Variants in NRXN1 observed in about 807,000 individuals in gnomAD.
The protein encoded by NRXN1 is neurexin-1.
A neutral mutation model predicts 150.9 loss-of-function variants in NRXN1; 39 were observed. That is an observed-to-expected ratio of 0.26 (90% CI 0.20 to 0.34). The LOEUF (loss-of-function observed/expected upper bound fraction) is 0.34, where lower values mean the gene tolerates loss of function less well. Among genes scored for constraint, NRXN1 ranks in the 10% least tolerant of loss-of-function variants. NRXN1 has a pLI of 1.00. For synonymous variants in NRXN1, 924 were observed against 757.0 expected, an observed-to-expected ratio of 1.22 and a Z score of -3.62; for missense variants, 1,815 against 1,949.9, an observed-to-expected ratio of 0.93 and a Z score of 1.30.
At chr2:50,534,256 T>C (rs1024826895) in intron 10 of NRXN1, among the ~76,000 whole-genome samples, 20 of 152,256 alleles carry the variant, frequency 1.3e-4, no homozygotes, top group African/African-American at 4.8e-4. Context: ...GAACGAAATA[T>C]GTAATAAGGT....
chr2:50,230,509 G>C (rs189429717), intron 18 of NRXN1, among the ~76,000 whole-genome samples: 1 of 152,116 alleles, frequency 6.6e-6, no homozygotes, highest in Non-Finnish European at 1.5e-5. Context: ...CCTGCCATAA[G>C]TATATAAAAT....
At chr2:50,698,786 G>T (rs980715938) in intron 5 of NRXN1, among the ~76,000 whole-genome samples, 2 of 152,106 alleles carry the variant, frequency 1.3e-5, no homozygotes, top group Non-Finnish European at 2.9e-5. Context: ...CCTCAAAGAA[G>T]GTTTTCTCTT....
intron 17 of NRXN1, among the ~76,000 whole-genome samples, chr2:50,360,115 T>G (rs531498138): frequency 6.6e-6 from 1 of 152,138 alleles, no homozygotes; most frequent in Admixed American, 6.5e-5. Context: ...AAGCACTAAA[T>G]ATGGAAAGGA....
intron 17 of NRXN1, among the ~76,000 whole-genome samples, chr2:50,435,916 C>G (rs1015598347): frequency 2.0e-5 from 3 of 151,954 alleles, no homozygotes; most frequent in African/African-American, 7.3e-5. Context: ...CACAATTTAC[C>G]TATATAGGTA....
rs77385633 is a variant in NRXN1, at chr2:50,462,717, T to G, written c.3364+2725A>C. Reference sequence around the variant, plus strand: ...AAATAGCCTTTGGCATCATTTTGAATAGCACTTCTTTTTGAAAGATTCCTT... The same window carrying G: ...AAATAGCCTTTGGCATCATTTTGAAGAGCACTTCTTTTTGAAAGATTCCTT... On this transcript the variant is annotated intron_variant, in intron 17 of 22. Coordinates refer to ENST00000401669, the MANE Select transcript of NRXN1 (RefSeq NM_001330078.2). Among the ~76,000 whole-genome samples the G allele has an allele frequency of 4.6e-3, 701 of 151,986 alleles. 3 individuals carry two copies. Among genetic ancestry groups the G allele is most frequent in the Admixed American group, 8.0e-3 (121 of 15,212 alleles).
At chr2:50,246,392 A>G (rs559940247) in intron 17 of NRXN1, among the ~76,000 whole-genome samples, 2 of 152,182 alleles carry the variant, frequency 1.3e-5, no homozygotes, top group South Asian at 2.1e-4. Flanking sequence ...AATTATTTGC[A>G]TCGCATAGTT....
intron 9 of NRXN1, chr2:50,551,364 GCAAA>G (rs1221736499): frequency 6.6e-6 from 1 of 152,054 alleles, no homozygotes; most frequent in African/African-American, 2.4e-5. Context: ...TTCCAAACAG[GCAAA>G]CACAATCTTC....
chr2:50,777,283 T>C (rs1207364646), intron 5 of NRXN1, among the ~76,000 whole-genome samples: 2 of 152,026 alleles, frequency 1.3e-5, no homozygotes, highest in Admixed American at 6.6e-5. Context: ...GGATATGAGG[T>C]TTAAGTGGGT....
chr2:51,004,802 G>T (rs1221789899), intron 2 of NRXN1, among the ~76,000 whole-genome samples: 2 of 151,948 alleles, frequency 1.3e-5, no homozygotes, highest in African/African-American at 4.8e-5. Flanking sequence ...ATCTAGAGGA[G>T]AATTTTCTTG....
At chr2:50,732,473 T>C (rs1221024396) in intron 5 of NRXN1, among the ~76,000 whole-genome samples, 1 of 152,196 alleles carries the variant, frequency 6.6e-6, no homozygotes, top group Admixed American at 6.5e-5. Flanking sequence ...CAATGCGGTC[T>C]GTACTTTTCA....
At chr2:50,380,393 C>T (rs1273291279) in intron 17 of NRXN1, among the ~76,000 whole-genome samples, 1 of 151,868 alleles carries the variant, frequency 6.6e-6, no homozygotes, top group Admixed American at 6.6e-5. Context: ...TCAAAATGGT[C>T]CTAAGGTTTT....
chr2:50,251,709 T>G (rs1052889708), intron 17 of NRXN1, among the ~76,000 whole-genome samples: 2 of 152,190 alleles, frequency 1.3e-5, no homozygotes, highest in African/African-American at 4.8e-5. Flanking sequence ...TCTTGACTCT[T>G]TAATAATCAC....
At chr2:50,129,785 C>G (rs1705197829) in intron 18 of NRXN1, among the ~76,000 whole-genome samples, 1 of 152,032 alleles carries the variant, frequency 6.6e-6, no homozygotes, top group Non-Finnish European at 1.5e-5. Flanking sequence ...GCCACTTTGG[C>G]CACTCCAAAA....
intron 12 of NRXN1, among the ~76,000 whole-genome samples, chr2:50,507,563 A>G (rs2105008791): frequency 6.6e-6 from 1 of 150,802 alleles, no homozygotes; most frequent in African/African-American, 2.4e-5. Flanking sequence ...TGGACTCAGC[A>G]GAGACATATT....
chr2:50,288,253 C>T (rs546546855), intron 17 of NRXN1, among the ~76,000 whole-genome samples: 13 of 151,784 alleles, frequency 8.6e-5, no homozygotes, highest in South Asian at 4.2e-4. Context: ...GGACATTTGA[C>T]GATGTTGAGA....
intron 22 of NRXN1, among the ~76,000 whole-genome samples, chr2:49,933,187 C>T (rs761064321): frequency 5.3e-5 from 8 of 151,990 alleles, no homozygotes; most frequent in South Asian, 4.1e-4. Flanking sequence ...CCCAGATTCA[C>T]GCCATTCTCC....
chr2:50,774,272 T>TA (rs1257576455), intron 5 of NRXN1, among the ~76,000 whole-genome samples: 5 of 152,106 alleles, frequency 3.3e-5, no homozygotes, highest in African/African-American at 9.7e-5. Context: ...AAACCAAACT[T>TA]ACTAAAAAGC....
intron 9 of NRXN1, among the ~76,000 whole-genome samples, chr2:50,545,541 A>T (rs752596357): frequency 6.6e-6 from 1 of 152,206 alleles, no homozygotes; most frequent in Non-Finnish European, 1.5e-5. Flanking sequence ...GGGCGGTTTC[A>T]TTTCCCAGGT....
chr2:50,290,882 T>G (rs2072836198), intron 17 of NRXN1, among the ~76,000 whole-genome samples: 1 of 152,172 alleles, frequency 6.6e-6, no homozygotes, highest in Non-Finnish European at 1.5e-5. Context: ...GACTGAATAA[T>G]GAGAGCTTTC....
Sources: gnomAD v4.1 joint callset for allele counts (sites outside exome capture counted in the v4.1 genomes callset) on GRCh38, gnomAD v4.1.1 for gene constraint, MANE v1.5 for transcripts, NCBI Gene and HGNC (gene_info 2026-07-23, HGNC 2026-07-21) for gene names.